Variants in HTR1F observed in about 807,000 individuals in gnomAD.
The protein encoded by HTR1F is 5-hydroxytryptamine receptor 1F.
HTR1F carries 17 observed loss-of-function variants against 24.0 expected under a neutral mutation model. That is an observed-to-expected ratio of 0.71 (90% CI 0.48 to 1.06). The LOEUF is 1.06. Among genes scored for constraint, HTR1F ranks in the 50% least tolerant of loss-of-function variants. The pLI, the probability that HTR1F is intolerant of heterozygous loss-of-function variation, is 0.00. For synonymous variants in HTR1F, 186 were observed against 156.8 expected (o/e 1.19, Z -1.39); for missense variants, 391 against 427.8 (o/e 0.91, Z 0.76).
At chr3:87,882,572 T>C (rs1237005873) in intron 2 of HTR1F, among the ~76,000 whole-genome samples, 3 of 151,674 alleles carry the variant, frequency 2.0e-5, no homozygotes, top group Non-Finnish European at 4.4e-5. Flanking sequence ...ATGGATGAAA[T>C]TGGAAATCAT....
At chr3:87,850,550 A>T (rs969891045) in intron 2 of HTR1F, among the ~76,000 whole-genome samples, 8 of 151,920 alleles carry the variant, frequency 5.3e-5, no homozygotes, top group Non-Finnish European at 7.4e-5. Flanking sequence ...TAGCACATGT[A>T]TACATATGTA....
intron 2 of HTR1F, among the ~76,000 whole-genome samples, chr3:87,841,953 A>C: frequency 6.6e-6 from 1 of 150,470 alleles, no homozygotes; most frequent in Non-Finnish European, 1.5e-5. Context: ...ACTAACATAA[A>C]TTTCGTCTTT....
intron 2 of HTR1F, among the ~76,000 whole-genome samples, chr3:87,884,627 T>C (rs1475803224): frequency 6.6e-6 from 1 of 152,008 alleles, no homozygotes; most frequent in African/African-American, 2.4e-5. Context: ...GAGACACACA[T>C]AGGCTCAAAA....
At chr3:87,810,173 T>C (rs1170013128) in intron 1 of HTR1F, among the ~76,000 whole-genome samples, 1 of 152,150 alleles carries the variant, frequency 6.6e-6, no homozygotes, top group Non-Finnish European at 1.5e-5. Flanking sequence ...TTTAAACTTA[T>C]AGCCAAATGG....
intron 2 of HTR1F, among the ~76,000 whole-genome samples, chr3:87,890,710 G>T (rs550622890): frequency 5.3e-5 from 8 of 152,176 alleles, no homozygotes; most frequent in African/African-American, 1.4e-4. Flanking sequence ...ATTATGGGAT[G>T]AGAAAGGCAA....
chr3:87,941,273 T>C (rs1035531271), intron 2 of HTR1F, among the ~76,000 whole-genome samples: 23 of 152,232 alleles, frequency 1.5e-4, no homozygotes, highest in African/African-American at 5.3e-4. Flanking sequence ...GAATCCATAT[T>C]GGGCAGAAGC....
At chr3:87,903,230 C>A (rs558192997) in intron 2 of HTR1F, among the ~76,000 whole-genome samples, 4 of 150,474 alleles carry the variant, frequency 2.7e-5, no homozygotes, top group Non-Finnish European at 6.0e-5. Context: ...GACTTCATGT[C>A]TAAAACACCA....
At chr3:87,909,887 C>G (rs1703740582) in intron 2 of HTR1F, among the ~76,000 whole-genome samples, 2 of 151,926 alleles carry the variant, frequency 1.3e-5, no homozygotes, top group Admixed American at 6.6e-5. Flanking sequence ...AAAGAGTGTA[C>G]TATCCAGTTT....
intron 1 of HTR1F, among the ~76,000 whole-genome samples, chr3:87,812,759 G>A (rs1047724966): frequency 6.6e-6 from 1 of 152,220 alleles, no homozygotes; most frequent in Non-Finnish European, 1.5e-5. Context: ...GCTCTTTGCA[G>A]ACTCAGGACT....
rs546874411 is a variant in HTR1F at position 87,912,583 on chromosome 3, G to A, written c.-42-78125G>A. Among the ~76,000 whole-genome samples, 81 of 93,410 alleles carry A rather than the reference G, an allele frequency of 8.7e-4. 1 individual carries two copies. Among genetic ancestry groups the A allele is most frequent in the African/African-American group, 3.6e-3 (71 of 19,912 alleles). 61.3% of individuals were successfully genotyped at this position (93,410 alleles called of 152,430 possible). ...TAGAAGAATAAACTATTAAAAGTTCGTATAAAGTTTAAAAAAAAAAAAAGT... is the reference window on the plus strand; with the variant it reads ...TAGAAGAATAAACTATTAAAAGTTCATATAAAGTTTAAAAAAAAAAAAAGT... On this transcript the variant is annotated intron_variant, in intron 2 of 2. Transcript: ENST00000319595.
chr3:87,793,226 T>G (rs1703845993), intron 1 of HTR1F: 1 of 148,584 alleles, frequency 6.7e-6, no homozygotes, highest in Non-Finnish European at 1.5e-5. Flanking sequence ...GGGAAGCCGC[T>G]GGGGTGGAGA....
At chr3:87,919,822 G>C (rs1270218138) in intron 2 of HTR1F, among the ~76,000 whole-genome samples, 1 of 151,804 alleles carries the variant, frequency 6.6e-6, no homozygotes, top group South Asian at 2.1e-4. Context: ...ATTCCTTAAA[G>C]AACTAAAAGT....
At chr3:87,820,544 G>C (rs1704340012) in intron 1 of HTR1F, among the ~76,000 whole-genome samples, 1 of 152,152 alleles carries the variant, frequency 6.6e-6, no homozygotes, top group Admixed American at 6.5e-5. Context: ...AAACAGGATA[G>C]TTACATACCA....
intron 2 of HTR1F, among the ~76,000 whole-genome samples, chr3:87,886,519 G>A (rs1705948169): frequency 6.6e-6 from 1 of 152,042 alleles, no homozygotes; most frequent in Non-Finnish European, 1.5e-5. Flanking sequence ...AGAAATAAAG[G>A]GTATTCAGTT....
intron 1 of HTR1F, among the ~76,000 whole-genome samples, chr3:87,818,333 T>C (rs62267035): frequency 1.3e-5 from 2 of 152,146 alleles, no homozygotes; most frequent in Non-Finnish European, 2.9e-5. Flanking sequence ...GTGGAGCAGC[T>C]TCAGGCCCAC....
At chr3:87,853,049 T>A (rs550834295) in intron 2 of HTR1F, among the ~76,000 whole-genome samples, 1 of 151,728 alleles carries the variant, frequency 6.6e-6, no homozygotes, top group East Asian at 1.9e-4. Context: ...TCGATAGATT[T>A]TATAATATGT....
At position 87,866,819 on chromosome 3, in the gene HTR1F, CGTGTGT is replaced by C. The variant is rs763994292; in HGVS notation, c.-43+44717_-43+44722del. 2.9e-3 allele frequency among the ~76,000 whole-genome samples: 275 copies of C among 96,126 alleles called. 2 individuals carry two copies. The highest frequency in any genetic ancestry group is 3.1e-3 in the Admixed American group (34 of 10,814). 63.1% of individuals were successfully genotyped at this position (96,126 alleles called of 152,430 possible). On this transcript the variant is annotated intron_variant, in intron 2 of 2. Transcript: ENST00000319595. The stretch of plus-strand genomic sequence containing the variant: ...GTGTACATGGGCACAAGTGTGCGTG[CGTGTGT>C]GTGTGTGTGTGTGTGTGTGTGCGTG...
chr3:87,945,537 T>C (rs1261283242), intron 2 of HTR1F, among the ~76,000 whole-genome samples: 4 of 152,194 alleles, frequency 2.6e-5, no homozygotes, highest in Non-Finnish European at 5.9e-5. Context: ...TGCGCCATGA[T>C]GTCAACCGGC....
At chr3:87,968,687 C>T (rs1306648856) in intron 2 of HTR1F, among the ~76,000 whole-genome samples, 1 of 152,164 alleles carries the variant, frequency 6.6e-6, no homozygotes, top group Non-Finnish European at 1.5e-5. Flanking sequence ...GAAAGAAAAA[C>T]CCATTTTCTT....
Sources: allele counts gnomAD v4.1 joint callset (sites outside exome capture counted in the v4.1 genomes callset), GRCh38; gene constraint gnomAD v4.1.1; transcripts MANE v1.5; gene names NCBI Gene and HGNC (gene_info 2026-07-23, HGNC 2026-07-21).